The following AFG2A variants were observed in gnomAD, a reference collection of about 807,000 sequenced individuals.
AFG2A encodes the protein ATPase family gene 2 protein homolog A.
At chr4:123,134,959 C>A in the AFG2A span, among the ~76,000 whole-genome samples, 14 of 152,056 alleles carry the variant, frequency 9.2e-5, no homozygotes, top group South Asian at 2.3e-3. Flanking sequence ...CATTACAAAA[C>A]AAAACTATAG....
At chr4:123,297,718 C>CA in the AFG2A span, among the ~76,000 whole-genome samples, 101,660 of 143,574 alleles carry the variant, frequency 0.71, 37,103 homozygotes, top group Non-Finnish European at 0.81. Context: ...GACTCCATCT[C>CA]AAAAAAAAAA....
At chr4:123,226,035 C>T in the AFG2A span, among the ~76,000 whole-genome samples, 83 of 152,008 alleles carry the variant, frequency 5.5e-4, no homozygotes, top group East Asian at 1.4e-3. Context: ...TGTATAAGAA[C>T]GCTTGTGATT....
chr4:122,932,655 A>G, the AFG2A span, among the ~76,000 whole-genome samples: 4 of 152,124 alleles, frequency 2.6e-5, no homozygotes, highest in African/African-American at 9.7e-5. Context: ...AGATTTCTTT[A>G]TAAATGTATG....
At chr4:122,938,780 A>T in the AFG2A span, among the ~76,000 whole-genome samples, 1 of 151,790 alleles carries the variant, frequency 6.6e-6, no homozygotes, top group Non-Finnish European at 1.5e-5. Flanking sequence ...TCTTCTTAGT[A>T]GAGATGGGGT....
At chr4:123,310,377 ACTG>A in the AFG2A span, among the ~76,000 whole-genome samples, 1 of 152,176 alleles carries the variant, frequency 6.6e-6, no homozygotes, top group Non-Finnish European at 1.5e-5. Context: ...CATTCTGTCT[ACTG>A]AGGCTAGTTC....
At chr4:122,991,139 T>C in the AFG2A span, among the ~76,000 whole-genome samples, 1 of 152,362 alleles carries the variant, frequency 6.6e-6, no homozygotes, top group Admixed American at 6.5e-5. Flanking sequence ...CCACAAGTTC[T>C]TTCCATCACT....
At chr4:123,115,084 A>G in the AFG2A span, among the ~76,000 whole-genome samples, 12 of 152,072 alleles carry the variant, frequency 7.9e-5, no homozygotes, top group African/African-American at 2.9e-4. Context: ...TGCTTCTGCT[A>G]TCCTGTCTGC....
chr4:123,241,059 T>G, the AFG2A span, among the ~76,000 whole-genome samples: 1 of 152,148 alleles, frequency 6.6e-6, no homozygotes, highest in South Asian at 2.1e-4. Flanking sequence ...CCTGGACATA[T>G]ACACCCTCCC....
At chr4:123,304,832 C>T in the AFG2A span, among the ~76,000 whole-genome samples, 1 of 152,146 alleles carries the variant, frequency 6.6e-6, no homozygotes, top group Non-Finnish European at 1.5e-5. Flanking sequence ...ATTCAGTGTG[C>T]AGCTGCAGAA....
At chr4:123,064,773 A>C in the AFG2A span, among the ~76,000 whole-genome samples, 3 of 152,228 alleles carry the variant, frequency 2.0e-5, no homozygotes, top group Non-Finnish European at 4.4e-5. Context: ...TAGTAGTGCC[A>C]AACTTCAAGT....
the AFG2A span, among the ~76,000 whole-genome samples, chr4:122,930,407 C>G: frequency 6.6e-6 from 1 of 152,068 alleles, no homozygotes; most frequent in African/African-American, 2.4e-5. Flanking sequence ...AAACCATTTT[C>G]TAGTCATCAG....
At chr4:123,253,197 C>T in the AFG2A span, among the ~76,000 whole-genome samples, 699 of 151,700 alleles carry the variant, frequency 4.6e-3, 5 homozygotes, top group Middle Eastern at 0.017. Context: ...AAAGAAATAG[C>T]TGGGGCTGGG....
chr4:123,170,308 A>G, the AFG2A span, among the ~76,000 whole-genome samples: 1 of 152,238 alleles, frequency 6.6e-6, no homozygotes, highest in African/African-American at 2.4e-5. Flanking sequence ...AGATTTTTGA[A>G]TTAAAGTTTT....
the AFG2A span, among the ~76,000 whole-genome samples, chr4:123,070,840 C>G: frequency 6.6e-6 from 1 of 152,114 alleles, no homozygotes; most frequent in African/African-American, 2.4e-5. Flanking sequence ...AAGTCCTTTC[C>G]CAAATTCAAA....
the AFG2A span, among the ~76,000 whole-genome samples, chr4:123,033,568 A>G: frequency 6.6e-6 from 1 of 152,214 alleles, no homozygotes; most frequent in Non-Finnish European, 1.5e-5. Context: ...AGGAAAGGGC[A>G]ATCACAGCCA....
the AFG2A span, among the ~76,000 whole-genome samples, chr4:122,939,112 T>TTTCGCTC: frequency 2.2e-5 from 3 of 137,560 alleles, no homozygotes; most frequent in Admixed American, 2.3e-4. Flanking sequence ...GGAGACAGAG[T>TTTCGCTC]TTCGCTCTTG....
chr4:122,977,214 C>T, the AFG2A span, among the ~76,000 whole-genome samples: 2 of 152,180 alleles, frequency 1.3e-5, no homozygotes, highest in Admixed American at 6.5e-5. Context: ...TATCCTCGGG[C>T]CCACTGGGCT....
At chr4:122,965,131 GTT>G in the AFG2A span, among the ~76,000 whole-genome samples, 1 of 152,126 alleles carries the variant, frequency 6.6e-6, no homozygotes, top group African/African-American at 2.4e-5. Context: ...CAAGTTTTAT[GTT>G]ACCTTTTCAT....
chr4:123,156,770 A>G, the AFG2A span, among the ~76,000 whole-genome samples: 6 of 150,132 alleles, frequency 4.0e-5, no homozygotes, highest in East Asian at 7.8e-4. Flanking sequence ...AAAAAAAAAA[A>G]AAAAAAGAAA....
Sources: allele counts gnomAD v4.1 joint callset (sites outside exome capture counted in the v4.1 genomes callset), GRCh38; gene constraint gnomAD v4.1.1; transcripts MANE v1.5; gene names NCBI Gene and HGNC (gene_info 2026-07-23, HGNC 2026-07-21).